PHLPP2: variants seen among roughly 807,000 people sequenced by gnomAD.
PHLPP2 encodes the protein PH domain leucine-rich repeat-containing protein phosphatase 2.
Under a neutral mutation model 124.9 loss-of-function variants are expected in PHLPP2, and 66 were observed. The ratio of observed to expected loss-of-function variants is 0.53; its 90% CI spans 0.43 to 0.65. PHLPP2 has a LOEUF of 0.65. Ranked by LOEUF, PHLPP2 falls within the 30% of genes least tolerant of loss-of-function variation. The pLI is 0.00. For synonymous variants in PHLPP2, 681 were observed against 624.7 expected (o/e 1.09, Z -1.34); for missense variants, 1,685 against 1,600.4 (o/e 1.05, Z -0.90).
chr16:71,659,172 A>C (rs2044766954), intron 13 of PHLPP2, among the ~76,000 whole-genome samples: 1 of 152,092 alleles, frequency 6.6e-6, no homozygotes, highest in Non-Finnish European at 1.5e-5. Context: ...AATACTAAGT[A>C]AGTCAATGTC....
Position 71,663,992 on chromosome 16 carries a change from A to G in PHLPP2, c.1892T>C (p.Leu631Pro), listed in dbSNP as rs147866190. Residue 631 changes from leucine (L) to proline (P), a missense_variant, in exon 13 of 19, where the codon CTC becomes CCC. Physicochemically the swap from Leu to Pro is moderately conservative, Grantham distance 98. Coordinates refer to ENST00000568954, the MANE Select transcript of PHLPP2 (RefSeq NM_015020.3). The stretch of plus-strand genomic sequence containing the variant: ...GACAGGTATGCACTGATCCGTCAGG[A>G]GATTGTTGGTCAGATAAAGCAGCTG... ...MLQLLYLTNN[L>P]LTDQCIPVLV... 4 of 1,613,802 alleles carry G rather than the reference A, an allele frequency of 2.5e-6. No individual in the cohort carries two copies. The highest frequency in any genetic ancestry group is 1.3e-5 in the African/African-American group (1 of 74,894).
chr16:71,676,737 G>T, intron 8 of PHLPP2, 88 bp from the exon 9 acceptor site: 1 of 956,894 alleles, frequency 1.0e-6, no homozygotes, highest in Non-Finnish European at 1.6e-6. Flanking sequence ...GGACAGGTAT[G>T]ATCCCTTTCT....
At chr16:71,691,579 T>C (rs2045113981) in intron 3 of PHLPP2, among the ~76,000 whole-genome samples, 1 of 152,134 alleles carries the variant, frequency 6.6e-6, no homozygotes, top group Admixed American at 6.5e-5. Flanking sequence ...ACAACCACTA[T>C]TGTTACTAAT....
chr16:71,723,849 C>A, intron 1 of PHLPP2: 1 of 1,218,190 alleles, frequency 8.2e-7, no homozygotes, highest in South Asian at 2.9e-5. Flanking sequence ...CCCGCGGGCC[C>A]CGGCTCCACC....
intron 1 of PHLPP2, among the ~76,000 whole-genome samples, chr16:71,721,516 G>A (rs2045398557): frequency 6.6e-6 from 1 of 152,138 alleles, no homozygotes; most frequent in African/African-American, 2.4e-5. Flanking sequence ...AGGTACTTGA[G>A]CTCAGGAGTT....
intron 14 of PHLPP2, 26 bp from the exon 15 acceptor site, chr16:71,658,389 G>C (rs371731952): frequency 6.2e-7 from 1 of 1,603,594 alleles, no homozygotes; most frequent in African/African-American, 1.3e-5. Flanking sequence ...GAAATCAAAA[G>C]AAAATACATC....
rs757181412 is a variant in PHLPP2, at chr16:71,656,636, T to C, written c.2325A>G (p.Thr775=). ...LKIDQKPLPT[T]DSTVTSTFWS... ...AGAAGGTTGACGTAACTGTAGAATCTGTGGTTGGCAAAGGTTTCTGATCAA... is the reference window on the plus strand; with the variant it reads ...AGAAGGTTGACGTAACTGTAGAATCCGTGGTTGGCAAAGGTTTCTGATCAA... The change falls in exon 16 of 19, where the codon ACA becomes ACG. Residue 775 remains threonine (T), a synonymous_variant. Transcript: ENST00000568954. 6.2e-7 allele frequency: 1 copy of C among 1,613,800 alleles called. No individual in the cohort carries two copies.
rs1305719353 is a variant in PHLPP2, at chr16:71,676,882, G to A, written c.1269-233C>T. On this transcript the variant is annotated intron_variant, in intron 8 of 18. Transcript: ENST00000568954. ...TCCTGCTTCAGCCTCCCAAGTTGCT[G>A]GGATTAGAATCACCCCCACCATGCC... 6.4e-6 allele frequency: 3 copies of A among 470,958 alleles called. No individual in the cohort carries two copies. The East Asian group carries it at 1.3e-4, about 20-fold the overall frequency. The allele number at this position is 470,958 out of a possible 1,614,324, so 29.2% of individuals were successfully genotyped here. A position where few individuals can be genotyped will look rare whatever the true frequency, so the allele number is the denominator to read the frequency against.
At chr16:71,691,334 A>G (rs1437253570) in intron 3 of PHLPP2, among the ~76,000 whole-genome samples, 3 of 152,002 alleles carry the variant, frequency 2.0e-5, no homozygotes, top group African/African-American at 4.8e-5. Flanking sequence ...GGTGGCGGAC[A>G]CCTATAGTCC....
chr16:71,649,900 A>G lies in PHLPP2; in HGVS notation c.2962T>C (p.Trp988Arg). 6.2e-7 allele frequency: 1 copy of G among 1,614,232 alleles called. No homozygotes were observed. The highest frequency in any genetic ancestry group is 2.2e-5 in the East Asian group (1 of 44,888). Residue 988 changes from tryptophan to arginine, a missense_variant, in exon 19 of 19, where the codon TGG becomes CGG. By Grantham distance (101) the Trp-to-Arg change is moderately radical. Transcript: ENST00000568954. ...ELLILGNKAL[W>R]EHLSYTEAVN... ...GCTTCTGTGTAGGACAAGTGTTCCC[A>G]CAATGCTTTGTTTCCCAGAATCAGC...
intron 2 of PHLPP2, 80 bp from the exon 3 acceptor site, chr16:71,702,811 G>C: frequency 2.7e-6 from 1 of 365,638 alleles, no homozygotes; most frequent in Non-Finnish European, 4.2e-6. Context: ...ATTTTTATTT[G>C]TATAAATTTC....
At chr16:71,719,603 A>C (rs2045384773) in intron 1 of PHLPP2, among the ~76,000 whole-genome samples, 1 of 152,048 alleles carries the variant, frequency 6.6e-6, no homozygotes, top group South Asian at 2.1e-4. Flanking sequence ...TCAACACCCA[A>C]AACTATTCTT....
chr16:71,690,756 G>A, intron 3 of PHLPP2, 47 bp from the exon 4 acceptor site: 1 of 1,294,912 alleles, frequency 7.7e-7, no homozygotes, highest in African/African-American at 1.5e-5. Context: ...AGTAGTGTAA[G>A]AATACAGAAA....
chr16:71,680,265 G>A (rs551186849), intron 6 of PHLPP2, among the ~76,000 whole-genome samples: 2 of 152,082 alleles, frequency 1.3e-5, no homozygotes, highest in Non-Finnish European at 2.9e-5. Flanking sequence ...TAACAAATAG[G>A]TAGATCAAAT....
intron 3 of PHLPP2, among the ~76,000 whole-genome samples, chr16:71,691,891 T>G (rs954522197): frequency 4.0e-5 from 6 of 150,916 alleles, no homozygotes; most frequent in African/African-American, 1.5e-4. Flanking sequence ...AGCCCAGGAG[T>G]TCAAGGCCAA....
chr16:71,658,036 T>A (rs987982040), intron 15 of PHLPP2, among the ~76,000 whole-genome samples, 197 bp downstream of exon 15: 6 of 152,080 alleles, frequency 3.9e-5, no homozygotes, highest in East Asian at 3.8e-4. Context: ...AGCCATGGAG[T>A]AGTCCTAATA....
chr16:71,714,398 G>A lies in PHLPP2; in HGVS notation c.284+114C>T, dbSNP rs567544605. On this transcript the variant is annotated intron_variant, in intron 2 of 18. Coordinates refer to ENST00000568954, the MANE Select transcript of PHLPP2 (RefSeq NM_015020.3). ...AAGGACAAATCTTGAAGCCCAGTGA[G>A]TCCGTAATCAACATCAGTTCCGGCA... 1.8e-5 allele frequency: 24 copies of A among 1,352,142 alleles called. No individual in the cohort carries two copies. In the South Asian group the frequency reaches 3.3e-4, roughly 19 times the overall value. 83.8% of individuals were successfully genotyped at this position (1,352,142 alleles called of 1,614,324 possible).
At chr16:71,717,091 G>A (rs1265268143) in intron 1 of PHLPP2, among the ~76,000 whole-genome samples, 1 of 152,188 alleles carries the variant, frequency 6.6e-6, no homozygotes, top group East Asian at 1.9e-4. Flanking sequence ...AAACTTGGGG[G>A]GGAAAATTCC....
At chr16:71,672,194 T>C (rs904567444) in intron 10 of PHLPP2, 68 bp downstream of exon 10, 4 of 1,154,564 alleles carry the variant, frequency 3.5e-6, no homozygotes, top group Middle Eastern at 1.9e-4. Context: ...ACATCAAAAC[T>C]GCCAAAAAAT....
Sources: gnomAD v4.1 joint callset for allele counts (sites outside exome capture counted in the v4.1 genomes callset) on GRCh38, gnomAD v4.1.1 for gene constraint, MANE v1.5 for transcripts, NCBI Gene and HGNC (gene_info 2026-07-23, HGNC 2026-07-21) for gene names.